Variants in CDH17 observed in about 807,000 individuals in gnomAD.
CDH17 encodes the protein cadherin 17, also known as cadherin-17.
In CDH17, 67 loss-of-function variants were observed where a neutral mutation model predicts 86.3. That is an observed-to-expected ratio of 0.78 (90% CI 0.64 to 0.95). CDH17 has a LOEUF of 0.95. Among genes scored for constraint, CDH17 ranks in the 40% least tolerant of loss-of-function variants. The pLI is 0.00. For synonymous variants in CDH17, 367 were observed against 366.4 expected, an observed-to-expected ratio of 1.00 and a Z score of -0.02; for missense variants, 993 against 1,017.6, an observed-to-expected ratio of 0.98 and a Z score of 0.33.
At chr8:94,200,418 G>A (rs555194024) in intron 1 of CDH17, among the ~76,000 whole-genome samples, 224 of 151,678 alleles carry the variant, frequency 1.5e-3, no homozygotes, top group Non-Finnish European at 2.6e-3. Flanking sequence ...AATTTTTGCC[G>A]TTTGTCAGGA....
At chr8:94,195,028 G>A (rs1036549709) in intron 1 of CDH17, among the ~76,000 whole-genome samples, 2 of 152,202 alleles carry the variant, frequency 1.3e-5, no homozygotes, top group Admixed American at 6.5e-5. Flanking sequence ...TGGAAACGCA[G>A]TCTCACTTTG....
intron 4 of CDH17, 71 bp from the exon 5 acceptor site, chr8:94,176,750 A>G: frequency 6.8e-7 from 1 of 1,479,132 alleles, no homozygotes; most frequent in Non-Finnish European, 9.2e-7. Context: ...AATCACTTGA[A>G]GGAAATTAGA....
chr8:94,166,102 CTTAGAG>C (rs1236602193), intron 9 of CDH17, 126 bp from the exon 10 acceptor site: 1 of 645,546 alleles, frequency 1.5e-6, no homozygotes, highest in Admixed American at 2.8e-5. Flanking sequence ...GACAAATGCT[CTTAGAG>C]TTATTTTGGT....
At chr8:94,136,680 G>A (rs141848843) in intron 15 of CDH17, among the ~76,000 whole-genome samples, 167 of 152,246 alleles carry the variant, frequency 1.1e-3, no homozygotes, top group African/African-American at 3.6e-3. Context: ...GCTTTGTTCC[G>A]TTGCTGGCAA....
rs553085390 is a variant in CDH17 at position 94,148,943 on chromosome 8, C to G, written c.1797-69G>C. On this transcript the variant is annotated intron_variant, in intron 13 of 17. Coordinates refer to ENST00000027335, the MANE Select transcript of CDH17 (RefSeq NM_004063.4). Reference sequence around the variant, plus strand: ...CATGAAAATGTGAAGCTAGTTTGTGCGTCAACTAAATATGTTTGTGCATCC... The same window carrying G: ...CATGAAAATGTGAAGCTAGTTTGTGGGTCAACTAAATATGTTTGTGCATCC... 1.8e-5 allele frequency: 25 copies of G among 1,384,772 alleles called. No individual in the cohort carries two copies. In the African/African-American group the frequency reaches 3.1e-4, roughly 17 times the overall value. 85.8% of individuals were successfully genotyped at this position (1,384,772 alleles called of 1,614,324 possible).
intron 13 of CDH17, 42 bp from the exon 14 acceptor site, chr8:94,148,916 T>C (rs1187308372): frequency 6.4e-6 from 10 of 1,565,450 alleles, no homozygotes; most frequent in East Asian, 2.3e-5. Context: ...TGCATTACTT[T>C]GCATGAAAAT....
chr8:94,134,491 C>A (rs1354669779), intron 15 of CDH17, among the ~76,000 whole-genome samples: 2 of 152,128 alleles, frequency 1.3e-5, no homozygotes, highest in African/African-American at 4.8e-5. Context: ...TCTGTGGGAC[C>A]AGTGGTGATA....
chr8:94,180,573 G>T (rs1456313310), intron 3 of CDH17, among the ~76,000 whole-genome samples: 1 of 152,130 alleles, frequency 6.6e-6, no homozygotes, highest in Non-Finnish European at 1.5e-5. Context: ...TTTCCATGGA[G>T]ATCAGAAGGC....
intron 15 of CDH17, among the ~76,000 whole-genome samples, chr8:94,133,931 G>A (rs556545995): frequency 1.1e-4 from 16 of 152,124 alleles, no homozygotes; most frequent in Admixed American, 4.6e-4. Context: ...TTTTGTCATT[G>A]GTTTTTCTTA....
chr8:94,200,409 A>G (rs1260521938), intron 1 of CDH17, among the ~76,000 whole-genome samples: 1 of 152,016 alleles, frequency 6.6e-6, no homozygotes, highest in Non-Finnish European at 1.5e-5. Flanking sequence ...TCTGCGTGGA[A>G]TTTTTGCCGT....
chr8:94,160,214 C>A (rs1004680057), intron 11 of CDH17, 52 bp from the exon 12 acceptor site: 1 of 1,383,960 alleles, frequency 7.2e-7, no homozygotes. Context: ...GTCATCAAAG[C>A]CAAAGGACAA....
chr8:94,199,478 A>C (rs1813862994), intron 1 of CDH17, among the ~76,000 whole-genome samples: 1 of 148,910 alleles, frequency 6.7e-6, no homozygotes, highest in Non-Finnish European at 1.5e-5. Context: ...TTTTTTTAAC[A>C]CCTTCAGTCT....
chr8:94,203,181 C>T (rs771412587), intron 1 of CDH17: 1 of 153,260 alleles, frequency 6.5e-6, no homozygotes, highest in Admixed American at 6.5e-5. Flanking sequence ...ATTTTTGTCC[C>T]CCGTGAAAAA....
chr8:94,170,260 CCCAA>C, intron 9 of CDH17, 133 bp downstream of exon 9: 1 of 868,248 alleles, frequency 1.2e-6, no homozygotes, highest in Non-Finnish European at 1.8e-6. Context: ...TTACGTGACT[CCCAA>C]GGTACAGTCA....
In CDH17 at chr8:94,146,148, A is replaced by G; in HGVS notation, c.1947T>C (p.Ser649=). 6.3e-7 allele frequency: 1 copy of G among 1,581,146 alleles called. No homozygotes were observed. Among genetic ancestry groups the G allele is most frequent in the South Asian group, 1.2e-5 (1 of 85,668 alleles). The change falls in exon 15 of 18, where the codon TCT becomes TCC. Residue 649 remains serine (S), a synonymous_variant. Coordinates refer to ENST00000027335, the MANE Select transcript of CDH17 (RefSeq NM_004063.4). ...ATEVGGSSLS[S]VSEFHLILMD... ...TAAGGATCAGGTGGAACTCTGACACAGAGCTCAAGGAAGACCCCCCTAAGG... is the reference window on the plus strand; with the variant it reads ...TAAGGATCAGGTGGAACTCTGACACGGAGCTCAAGGAAGACCCCCCTAAGG...
At chr8:94,167,363 T>A (rs1021718324) in intron 9 of CDH17, among the ~76,000 whole-genome samples, 2 of 152,116 alleles carry the variant, frequency 1.3e-5, no homozygotes, top group Non-Finnish European at 2.9e-5. Context: ...CTTGAATTCA[T>A]CCCATTTGTG....
chr8:94,214,054 C>T (rs2129680459), intron 1 of CDH17, among the ~76,000 whole-genome samples: 1 of 152,300 alleles, frequency 6.6e-6, no homozygotes, highest in Admixed American at 6.5e-5. Flanking sequence ...TTTCTATATC[C>T]AACTGACTAT....
At chr8:94,130,281 T>A (rs904976022) in intron 17 of CDH17, among the ~76,000 whole-genome samples, 8 of 152,150 alleles carry the variant, frequency 5.3e-5, no homozygotes, top group Admixed American at 3.9e-4. Context: ...TCTGTGTATG[T>A]CACTCTTTCC....
chr8:94,184,040 T>TAAA (rs567593599), intron 3 of CDH17, among the ~76,000 whole-genome samples: 1 of 138,644 alleles, frequency 7.2e-6, no homozygotes, highest in Non-Finnish European at 1.6e-5. Context: ...TAGCTATAAT[T>TAAA]AAAAAAAAAA....
Sources: gnomAD v4.1 joint callset for allele counts (sites outside exome capture counted in the v4.1 genomes callset) on GRCh38, gnomAD v4.1.1 for gene constraint, MANE v1.5 for transcripts, NCBI Gene and HGNC (gene_info 2026-07-23, HGNC 2026-07-21) for gene names.